The following BAALC variants were observed in gnomAD, a reference collection of about 807,000 sequenced individuals.
The protein encoded by BAALC is BAALC binder of MAP3K1 and KLF4.
In BAALC, 9 loss-of-function variants were observed where a neutral mutation model predicts 15.5. The observed-to-expected ratio is 0.58, with a 90% CI of 0.35 to 1.02. BAALC has a LOEUF of 1.02. Among genes scored for constraint, BAALC ranks in the 50% least tolerant of loss-of-function variants. The probability of loss-of-function intolerance (pLI) is 0.02; values close to 1 mark genes in which losing one functional copy is unlikely to be tolerated. For missense variants in BAALC, 201 were observed against 192.4 expected (o/e 1.04, Z -0.27); for synonymous variants, 80 against 74.6 (o/e 1.07, Z -0.37).
intron 1 of BAALC, among the ~76,000 whole-genome samples, chr8:103,170,658 C>A (rs1811462783): frequency 1.3e-5 from 2 of 152,200 alleles, no homozygotes; most frequent in Admixed American, 1.3e-4. Flanking sequence ...ACCCTGCCAA[C>A]ACTTTAATTT....
In BAALC at chr8:103,201,471, G is replaced by A. The variant is rs914239526; in HGVS notation, c.161-11448G>A. On this transcript the variant is annotated intron_variant, in intron 1 of 2. Coordinates refer to ENST00000309982, the MANE Select transcript of BAALC (RefSeq NM_024812.3). ...AGGTGAGATCTACACTGTGTCACAC[G>A]GAAGAGGAAGGAGGAGTTAGACATG... 4.6e-5 allele frequency among the ~76,000 whole-genome samples: 7 copies of A among 152,232 alleles called. No individual in the cohort carries two copies. The East Asian group carries it at 5.8e-4, about 13-fold the overall frequency.
rs1479670125 is a variant in BAALC at position 103,140,890 on chromosome 8, G to T, written c.-8G>T. The T allele has an allele frequency of 2.0e-6, 3 of 1,506,046 alleles. No homozygotes were observed. Among genetic ancestry groups the T allele is most frequent in the African/African-American group, 1.5e-5 (1 of 68,818 alleles). The allele number at this position is 1,506,046 out of a possible 1,614,324, so 93.3% of individuals were successfully genotyped here. On this transcript the variant is annotated 5_prime_UTR_variant, in exon 1 of 3. Transcript: ENST00000309982. The surrounding 1 kb of genome is among the most constrained non-coding windows in gnomAD (Gnocchi z 4.2). ...AGCAGCCGCTGGGCGCTCCCGCGGCGCAGGAGGATGGGCTGCGGCGGGAGC... is the reference window on the plus strand; with the variant it reads ...AGCAGCCGCTGGGCGCTCCCGCGGCTCAGGAGGATGGGCTGCGGCGGGAGC...
At chr8:103,147,351 G>T (rs1041563708) in intron 1 of BAALC, among the ~76,000 whole-genome samples, 1 of 152,024 alleles carries the variant, frequency 6.6e-6, no homozygotes, top group Non-Finnish European at 1.5e-5. Flanking sequence ...TAGCACAATG[G>T]GATGACGATA....
chr8:103,171,372 AAAG>A (rs1811486575), intron 1 of BAALC, among the ~76,000 whole-genome samples: 1 of 106,174 alleles, frequency 9.4e-6, no homozygotes, highest in Admixed American at 9.1e-5. Flanking sequence ...AAGGAGAAAG[AAAG>A]AAAGGCAAGA....
chr8:103,228,114 A>C lies in BAALC; in HGVS notation c.*15A>C. The C allele has an allele frequency of 6.5e-7, 1 of 1,541,310 alleles. No homozygotes were observed. The highest frequency in any genetic ancestry group is 9.0e-7 in the Non-Finnish European group (1 of 1,114,888). On this transcript the variant is annotated 3_prime_UTR_variant, in exon 3 of 3. Coordinates refer to ENST00000309982, the MANE Select transcript of BAALC (RefSeq NM_024812.3). Reference sequence around the variant, plus strand: ...GTGTCAACTAGCAGAGAGTCCAAGCAGAAGGGCAGATGGACTTCTTCAGTG... The same window carrying C: ...GTGTCAACTAGCAGAGAGTCCAAGCCGAAGGGCAGATGGACTTCTTCAGTG...
At position 103,186,989 on chromosome 8, in the gene BAALC, T is replaced by C. The variant is rs75635567; in HGVS notation, c.161-25930T>C. Among the ~76,000 whole-genome samples, 467 of 152,342 alleles carry C rather than the reference T, an allele frequency of 3.1e-3. 6 individuals are homozygous for C. The highest frequency in any genetic ancestry group is 0.011 in the African/African-American group (443 of 41,582). ...TGTTCTCTCAGGACCTTAGCCCTTT[T>C]GCAAAGTCTCCCAAAGTATTTCAGC... On this transcript the variant is annotated intron_variant, in intron 1 of 2. Coordinates refer to ENST00000309982, the MANE Select transcript of BAALC (RefSeq NM_024812.3).
At chr8:103,151,550 C>T (rs1283183465) in intron 1 of BAALC, among the ~76,000 whole-genome samples, 1 of 152,154 alleles carries the variant, frequency 6.6e-6, no homozygotes, top group Non-Finnish European at 1.5e-5. Context: ...TTGGGTCACC[C>T]TTCCCCTCTG....
intron 1 of BAALC, among the ~76,000 whole-genome samples, chr8:103,158,542 T>C (rs1347809869): frequency 6.6e-6 from 1 of 152,156 alleles, no homozygotes; most frequent in Non-Finnish European, 1.5e-5. Flanking sequence ...GTGCCATTAT[T>C]AAGTAAAAGA....
chr8:103,227,183 A>ATG (rs148537993), intron 2 of BAALC, among the ~76,000 whole-genome samples: 3 of 151,922 alleles, frequency 2.0e-5, no homozygotes, highest in Admixed American at 6.6e-5. Flanking sequence ...GTGTGCGTGT[A>ATG]TGTGTGTGTG....
intron 1 of BAALC, among the ~76,000 whole-genome samples, chr8:103,198,879 C>T (rs1427276927): frequency 6.6e-6 from 1 of 152,204 alleles, no homozygotes; most frequent in African/African-American, 2.4e-5. Context: ...CCACTGCACT[C>T]CAGCCTAGGC....
intron 1 of BAALC, among the ~76,000 whole-genome samples, chr8:103,203,501 G>A (rs1563652644): frequency 2.0e-5 from 3 of 151,954 alleles, no homozygotes; most frequent in African/African-American, 7.3e-5. Context: ...TAAATTCCTG[G>A]GGTTGTGCAA....
chr8:103,141,761 CAT>C lies in BAALC; in HGVS notation c.160+705_160+706del, dbSNP rs1232943581. ...AATGCTTTGCAGGAGGCAGGGCACA[CAT>C]GTGGATTTTGACTATAAATTAAATA... On this transcript the variant is annotated intron_variant, in intron 1 of 2. Coordinates refer to ENST00000309982, the MANE Select transcript of BAALC (RefSeq NM_024812.3). Among the ~76,000 whole-genome samples the C allele has an allele frequency of 1.8e-4, 27 of 152,346 alleles. 1 individual carries two copies. In the East Asian group the frequency reaches 4.8e-3, roughly 27 times the overall value.
intron 1 of BAALC, among the ~76,000 whole-genome samples, chr8:103,161,605 A>AT (rs538982773): frequency 1.3e-5 from 2 of 151,960 alleles, no homozygotes; most frequent in African/African-American, 4.8e-5. Context: ...GTGTCTTTTC[A>AT]TTTTTTTCCA....
At chr8:103,181,563 C>T (rs1234773287) in intron 1 of BAALC, among the ~76,000 whole-genome samples, 6 of 152,124 alleles carry the variant, frequency 3.9e-5, no homozygotes, top group Non-Finnish European at 7.3e-5. Context: ...TGAGCCACCT[C>T]GCCCGGCCAG....
intron 2 of BAALC, among the ~76,000 whole-genome samples, chr8:103,218,515 C>T (rs1049904119): frequency 2.0e-5 from 3 of 152,124 alleles, no homozygotes; most frequent in African/African-American, 7.2e-5. Flanking sequence ...AACATTTACT[C>T]TCTAACCTGA....
At position 103,178,691 on chromosome 8, in the gene BAALC, T is replaced by A. The variant is rs187709281; in HGVS notation, c.161-34228T>A. Among the ~76,000 whole-genome samples the A allele has an allele frequency of 6.2e-3, 941 of 152,086 alleles. 14 individuals carry two copies. Among genetic ancestry groups the A allele is most frequent in the African/African-American group, 0.022 (893 of 41,508 alleles). The stretch of plus-strand genomic sequence containing the variant: ...GGCCAACATGGTGAAACCCTGTCTC[T>A]ACTAAAAATACAAAAATTAGCTGGG... On this transcript the variant is annotated intron_variant, in intron 1 of 2. Coordinates refer to ENST00000309982, the MANE Select transcript of BAALC (RefSeq NM_024812.3).
intron 1 of BAALC, among the ~76,000 whole-genome samples, chr8:103,172,486 C>A (rs967395652): frequency 6.6e-5 from 10 of 150,574 alleles, no homozygotes; most frequent in African/African-American, 2.2e-4. Flanking sequence ...ACTGCATCCT[C>A]GGCCTCCCGG....
chr8:103,145,282 T>C (rs1480489663), intron 1 of BAALC, among the ~76,000 whole-genome samples: 1 of 152,252 alleles, frequency 6.6e-6, no homozygotes, highest in Non-Finnish European at 1.5e-5. Context: ...TTGTAATTTC[T>C]ACCCGGTGAA....
At chr8:103,184,704 T>C (rs1040078753) in intron 1 of BAALC, among the ~76,000 whole-genome samples, 1 of 152,100 alleles carries the variant, frequency 6.6e-6, no homozygotes, top group Non-Finnish European at 1.5e-5. Context: ...GACAAAAACA[T>C]AGTAAAAAGT....
Sources: gnomAD v4.1 joint callset for allele counts (sites outside exome capture counted in the v4.1 genomes callset) on GRCh38, gnomAD v4.1.1 for gene constraint, Gnocchi (gnomAD v3.1) non-coding constraint, MANE v1.5 for transcripts, NCBI Gene and HGNC (gene_info 2026-07-23, HGNC 2026-07-21) for gene names.